The following GRIK1 variants were observed in gnomAD, a reference collection of about 807,000 sequenced individuals.
GRIK1 encodes the protein glutamate ionotropic receptor kainate type subunit 1.
GRIK1 carries 69 observed loss-of-function variants against 105.7 expected under a neutral mutation model. The observed-to-expected ratio is 0.65, with a 90% CI of 0.54 to 0.80. GRIK1 has a LOEUF of 0.80. Among genes scored for constraint, GRIK1 ranks in the 30% least tolerant of loss-of-function variants. The pLI is 0.00. For synonymous variants in GRIK1, 438 were observed against 431.3 expected (o/e 1.02, Z -0.19); for missense variants, 1,109 against 1,167.3 (o/e 0.95, Z 0.73).
intron 7 of GRIK1, among the ~76,000 whole-genome samples, chr21:29,631,487 A>G (rs1196687339): frequency 6.6e-6 from 1 of 152,198 alleles, no homozygotes. Flanking sequence ...TGGCACTTTG[A>G]TCATGGACTT....
At chr21:29,918,057 T>C (rs1213988024) in intron 1 of GRIK1, among the ~76,000 whole-genome samples, 2 of 152,044 alleles carry the variant, frequency 1.3e-5, no homozygotes, top group Admixed American at 6.6e-5. Flanking sequence ...GGATAAATGA[T>C]AGATAAATGG....
intron 1 of GRIK1, among the ~76,000 whole-genome samples, chr21:29,742,541 C>A (rs1271119069): frequency 6.6e-6 from 1 of 152,210 alleles, no homozygotes; most frequent in African/African-American, 2.4e-5. Context: ...GAATAATAAA[C>A]CTCACTGCGT....
At chr21:29,822,331 T>C (rs2145929002) in intron 1 of GRIK1, among the ~76,000 whole-genome samples, 1 of 152,186 alleles carries the variant, frequency 6.6e-6, no homozygotes, top group Middle Eastern at 3.4e-3. Context: ...TTCCTGACCC[T>C]TGAATATTGT....
chr21:29,587,557 G>A lies in GRIK1; in HGVS notation c.1602C>T (p.Ile534=), dbSNP rs1601191433. 6.2e-7 allele frequency: 1 copy of A among 1,613,084 alleles called. No individual in the cohort carries two copies. The highest frequency in any genetic ancestry group is 1.7e-4 in the Middle Eastern group (1 of 6,010). The stretch of plus-strand genomic sequence containing the variant: ...CAATGACTTTCTCCCGCACGTAGGT[G>A]ATGGTAAGAGGAGCCACTGCCAGGT... ...RADLAVAPLT[I]TYVREKVIDF... The change falls in exon 12 of 18, where the codon ATC becomes ATT. Residue 534 remains isoleucine (I), a synonymous_variant. Transcript: ENST00000327783.
chr21:29,663,014 AC>A (rs1387756814), intron 4 of GRIK1, among the ~76,000 whole-genome samples: 2 of 152,334 alleles, frequency 1.3e-5, no homozygotes, highest in East Asian at 3.9e-4. Context: ...ATTCACAGCG[AC>A]TGCTTGCTGA....
At chr21:29,556,804 A>G (rs1335132817) in intron 15 of GRIK1, among the ~76,000 whole-genome samples, 1 of 152,246 alleles carries the variant, frequency 6.6e-6, no homozygotes, top group East Asian at 1.9e-4. Context: ...GAAAGAAAGC[A>G]GAGCCTCTCT....
At chr21:29,876,586 A>G (rs2069199866) in intron 1 of GRIK1, among the ~76,000 whole-genome samples, 1 of 152,206 alleles carries the variant, frequency 6.6e-6, no homozygotes. Flanking sequence ...TTCACATTGC[A>G]TCGCCCAGGG....
At chr21:29,540,585 C>T (rs921671996) in intron 16 of GRIK1, among the ~76,000 whole-genome samples, 5 of 151,942 alleles carry the variant, frequency 3.3e-5, no homozygotes, top group Admixed American at 2.6e-4. Context: ...GGGAGGGGCT[C>T]ATATTCATTA....
chr21:29,728,356 G>A (rs1392802107), intron 1 of GRIK1, among the ~76,000 whole-genome samples: 1 of 152,172 alleles, frequency 6.6e-6, no homozygotes, highest in Non-Finnish European at 1.5e-5. Flanking sequence ...AGGTCAGCAA[G>A]GCTCAGTGAA....
intron 7 of GRIK1, among the ~76,000 whole-genome samples, chr21:29,639,160 G>C (rs2062458494): frequency 6.6e-6 from 1 of 152,222 alleles, no homozygotes; most frequent in Admixed American, 6.5e-5. Context: ...TATGAACACA[G>C]TGTGTCCTGA....
chr21:29,740,800 G>A lies in GRIK1; in HGVS notation c.119-46737C>T, dbSNP rs112474776. Among the ~76,000 whole-genome samples, 567 of 152,284 alleles carry A rather than the reference G, an allele frequency of 3.7e-3. 1 individual carries two copies. The highest frequency in any genetic ancestry group is 0.013 in the African/African-American group (543 of 41,574). ...TGGGAACCATGGTTACCAATCACAG[G>A]GGAGTCATTATACCCGTGACAAGGC... is the stretch of plus-strand genomic sequence containing the variant. On this transcript the variant is annotated intron_variant, in intron 1 of 17. Transcript: ENST00000327783.
intron 15 of GRIK1, among the ~76,000 whole-genome samples, chr21:29,558,254 A>C (rs1284333342): frequency 6.6e-6 from 1 of 152,020 alleles, no homozygotes; most frequent in East Asian, 1.9e-4. Context: ...GTGTACAGAT[A>C]ATTTTTAATA....
rs370325276 is a variant in GRIK1, at chr21:29,577,005, A to G, written c.2089T>C (p.Tyr697His). The part of the protein sequence containing the change: ...DDLAKQTKIE[Y>H]GAVRDGSTMT... ...GTTGATCCATCTCTAACCGCCCCAT[A>G]TTCTATCTTGGTTTGCTTTGCCAGA... Residue 697 changes from tyrosine to histidine, a missense_variant, in exon 14 of 18, where the codon TAT (tyrosine) becomes CAT (histidine). By Grantham distance (83) the Tyr-to-His change is moderately conservative. Around this residue, in one of 5 missense-constraint regions of GRIK1, gnomAD observed 264 missense variants for 306.9 expected, o/e 0.86. Transcript: ENST00000327783. The G allele has an allele frequency of 1.9e-6, 3 of 1,613,358 alleles. No individual in the cohort carries two copies. Among genetic ancestry groups the G allele is most frequent in the South Asian group, 1.1e-5 (1 of 91,070 alleles).
chr21:29,771,398 G>A, intron 1 of GRIK1, among the ~76,000 whole-genome samples: 1 of 152,180 alleles, frequency 6.6e-6, no homozygotes, highest in East Asian at 1.9e-4. Flanking sequence ...GGGAAAACAA[G>A]GTACTAATTA....
intron 1 of GRIK1, among the ~76,000 whole-genome samples, chr21:29,723,310 T>C (rs566920530): frequency 2.0e-5 from 3 of 152,264 alleles, no homozygotes; most frequent in South Asian, 2.1e-4. Context: ...TATTTCTCAT[T>C]ATAAAGGCAT....
intron 1 of GRIK1, among the ~76,000 whole-genome samples, chr21:29,905,115 C>A (rs1164095952): frequency 6.6e-6 from 1 of 152,148 alleles, no homozygotes; most frequent in South Asian, 2.1e-4. Context: ...TCATTTTAAA[C>A]CTGGATCAAA....
In GRIK1 at chr21:29,855,139, T is replaced by C. The variant is rs117408050; in HGVS notation, c.118+84244A>G. On this transcript the variant is annotated intron_variant, in intron 1 of 17. Coordinates refer to ENST00000327783, the MANE Select transcript of GRIK1 (RefSeq NM_001330994.2). The stretch of plus-strand genomic sequence containing the variant: ...ATCTTGTAGTCTCAAACTATCAAAC[T>C]AGTATGTATTGGAACCCTGTGAGAT... 6.5e-4 allele frequency among the ~76,000 whole-genome samples: 99 copies of C among 152,294 alleles called. No homozygotes were observed. The East Asian group carries it at 9.7e-3, about 15-fold the overall frequency.
chr21:29,701,870 T>A (rs1489963127), intron 1 of GRIK1, among the ~76,000 whole-genome samples: 1 of 152,184 alleles, frequency 6.6e-6, no homozygotes, highest in African/African-American at 2.4e-5. Flanking sequence ...GATTTGCTGA[T>A]GATGCATAAG....
intron 1 of GRIK1, among the ~76,000 whole-genome samples, chr21:29,878,073 T>C (rs182358850): frequency 6.6e-6 from 1 of 152,264 alleles, no homozygotes; most frequent in East Asian, 1.9e-4. Context: ...AGCAGTTCTG[T>C]AGAGACAGGC....
Sources: gnomAD v4.1 joint callset for allele counts (sites outside exome capture counted in the v4.1 genomes callset) on GRCh38, gnomAD v4.1.1 for gene constraint, gnomAD v4.1.1 regional missense constraint, MANE v1.5 for transcripts, NCBI Gene and HGNC (gene_info 2026-07-23, HGNC 2026-07-21) for gene names.